MMP16: variants seen among roughly 807,000 people sequenced by gnomAD.
MMP16 encodes matrix metallopeptidase 16.
A neutral mutation model predicts 67.8 loss-of-function variants in MMP16; 12 were observed. The ratio of observed to expected loss-of-function variants is 0.18; its 90% CI spans 0.11 to 0.29. The LOEUF is 0.29. MMP16 is among the 10% of genes least tolerant of loss of function. MMP16 has a pLI of 1.00. For synonymous variants in MMP16, 249 were observed against 255.9 expected (o/e 0.97, Z 0.26); for missense variants, 475 against 765.7 (o/e 0.62, Z 4.48).
At chr8:88,254,188 T>C (rs140451199) in intron 1 of MMP16, among the ~76,000 whole-genome samples, 98 of 152,152 alleles carry the variant, frequency 6.4e-4, no homozygotes, top group Middle Eastern at 3.4e-3. Flanking sequence ...GAGGCCACTA[T>C]CTTAGAAAAT....
At chr8:88,295,935 G>T (rs1811006242) in intron 1 of MMP16, among the ~76,000 whole-genome samples, 1 of 152,118 alleles carries the variant, frequency 6.6e-6, no homozygotes, top group Admixed American at 6.5e-5. Context: ...ATCAGTACAT[G>T]TGGGAAAAAT....
chr8:88,133,291 A>T (rs1272493590), intron 4 of MMP16, among the ~76,000 whole-genome samples: 1 of 151,092 alleles, frequency 6.6e-6, no homozygotes, highest in Non-Finnish European at 1.5e-5. Context: ...GATAAAGAAA[A>T]ATTATACAGC....
At chr8:88,130,634 C>T (rs1184842767) in intron 4 of MMP16, among the ~76,000 whole-genome samples, 2 of 151,462 alleles carry the variant, frequency 1.3e-5, no homozygotes, top group South Asian at 4.2e-4. Context: ...CCTGGGTTTT[C>T]GCTTAGGAGT....
chr8:88,074,718 T>C lies in MMP16; in HGVS notation c.1109A>G (p.Asn370Ser), dbSNP rs777949111. 1.9e-6 allele frequency: 3 copies of C among 1,612,938 alleles called. No individual in the cohort carries two copies. The highest frequency in any genetic ancestry group is 2.2e-5 in the East Asian group (1 of 44,762). The change falls in exon 7 of 10, where the codon AAC (asparagine) becomes AGC (serine). Residue 370 changes from asparagine (N) to serine (S), a missense_variant. Physicochemically the swap from Asn to Ser is conservative, Grantham distance 46. Coordinates refer to ENST00000286614, the MANE Select transcript of MMP16 (RefSeq NM_005941.5). ...TGGGTATCCATCCATCACCCTGTTG[T>C]TTCTCACTCGCCAAAACCACTGGTC... is the stretch of plus-strand genomic sequence containing the variant. ...FKDQWFWRVR[N>S]NRVMDGYPMQ...
intron 1 of MMP16, among the ~76,000 whole-genome samples, chr8:88,304,368 G>A (rs1024560672): frequency 2.0e-5 from 3 of 152,128 alleles, no homozygotes; most frequent in Admixed American, 1.3e-4. Flanking sequence ...GTTGAAAAAC[G>A]TACTTCAGGA....
chr8:88,183,926 A>G (rs951074675), intron 3 of MMP16, among the ~76,000 whole-genome samples: 1 of 150,950 alleles, frequency 6.6e-6, no homozygotes, highest in African/African-American at 2.4e-5. Context: ...TTTTTATTTT[A>G]GTATAGACAG....
intron 4 of MMP16, among the ~76,000 whole-genome samples, chr8:88,127,470 T>G (rs1458499359): frequency 6.6e-6 from 1 of 151,848 alleles, no homozygotes; most frequent in Non-Finnish European, 1.5e-5. Flanking sequence ...GTGAGAGTGA[T>G]ATAATGATTT....
intron 1 of MMP16, among the ~76,000 whole-genome samples, chr8:88,219,133 C>T (rs1809638906): frequency 6.6e-6 from 1 of 151,486 alleles, no homozygotes; most frequent in African/African-American, 2.4e-5. Flanking sequence ...AGATAAGAGC[C>T]ACAGTGGGAA....
At chr8:88,244,787 T>G (rs1384352464) in intron 1 of MMP16, among the ~76,000 whole-genome samples, 1 of 152,208 alleles carries the variant, frequency 6.6e-6, no homozygotes, top group Non-Finnish European at 1.5e-5. Context: ...TTCATAGACA[T>G]GTACAAAATT....
chr8:88,277,902 A>C (rs986093744), intron 1 of MMP16, among the ~76,000 whole-genome samples: 8 of 152,216 alleles, frequency 5.3e-5, no homozygotes, highest in Non-Finnish European at 1.2e-4. Flanking sequence ...TCATGCAGTA[A>C]CATTTGATAT....
intron 1 of MMP16, among the ~76,000 whole-genome samples, chr8:88,230,346 C>A (rs1373728086): frequency 1.3e-5 from 2 of 151,956 alleles, no homozygotes; most frequent in Non-Finnish European, 2.9e-5. Context: ...CAAAATATAG[C>A]GAAAACCTAA....
At chr8:88,130,611 A>T (rs1420082326) in intron 4 of MMP16, among the ~76,000 whole-genome samples, 2 of 151,766 alleles carry the variant, frequency 1.3e-5, no homozygotes, top group Admixed American at 1.3e-4. Flanking sequence ...TTAGTAAACA[A>T]ATATTTGAAA....
intron 1 of MMP16, among the ~76,000 whole-genome samples, chr8:88,204,291 A>C (rs1232950268): frequency 6.6e-6 from 1 of 152,192 alleles, no homozygotes; most frequent in Non-Finnish European, 1.5e-5. Context: ...CCTTTACAGA[A>C]TTGAGGGATA....
At chr8:88,253,657 C>T (rs184747798) in intron 1 of MMP16, among the ~76,000 whole-genome samples, 50 of 151,442 alleles carry the variant, frequency 3.3e-4, no homozygotes, top group South Asian at 1.1e-3. Flanking sequence ...CGTAAAAACA[C>T]ACAACTATAA....
At chr8:88,309,330 A>G (rs566841471) in intron 1 of MMP16, among the ~76,000 whole-genome samples, 23 of 152,084 alleles carry the variant, frequency 1.5e-4, no homozygotes, top group Admixed American at 1.1e-3. Flanking sequence ...GGTAGAAAAA[A>G]ATCTCCAAAG....
At chr8:88,260,422 AT>A (rs1214861114) in intron 1 of MMP16, among the ~76,000 whole-genome samples, 2 of 151,808 alleles carry the variant, frequency 1.3e-5, no homozygotes, top group African/African-American at 4.8e-5. Flanking sequence ...TTAAAAGTTT[AT>A]TTTTTTTCGG....
intron 4 of MMP16, among the ~76,000 whole-genome samples, chr8:88,157,211 A>T (rs375538751): frequency 1.4e-4 from 22 of 152,250 alleles, no homozygotes; most frequent in African/African-American, 5.1e-4. Flanking sequence ...TTGCATCTGT[A>T]CCAGATATGT....
rs1014707999 is a variant in MMP16 at position 88,085,934 on chromosome 8, C to A, written c.1084-11191G>T. 2.0e-5 allele frequency among the ~76,000 whole-genome samples: 3 copies of A among 149,910 alleles called. 1 individual carries two copies. Among genetic ancestry groups the A allele is most frequent in the African/African-American group, 7.6e-5 (3 of 39,506 alleles). On this transcript the variant is annotated intron_variant, in intron 6 of 9. Coordinates refer to ENST00000286614, the MANE Select transcript of MMP16 (RefSeq NM_005941.5). ...GACCCCCTTTTTATTAATTAGTATT[C>A]ATTTTAAATTCTAACTTAGAGAATA...
intron 1 of MMP16, among the ~76,000 whole-genome samples, chr8:88,221,326 C>A (rs766625878): frequency 6.6e-6 from 1 of 152,088 alleles, no homozygotes; most frequent in South Asian, 2.1e-4. Context: ...CAGATTACTA[C>A]ACAGTGTATG....
Sources: allele counts gnomAD v4.1 joint callset (sites outside exome capture counted in the v4.1 genomes callset), GRCh38; gene constraint gnomAD v4.1.1; transcripts MANE v1.5; gene names NCBI Gene and HGNC (gene_info 2026-07-23, HGNC 2026-07-21).